The following PSD3 variants were observed in gnomAD, a reference collection of about 807,000 sequenced individuals.
PSD3 encodes the protein pleckstrin and Sec7 domain containing 3, also known as PH and SEC7 domain-containing protein 3.
In PSD3, 49 loss-of-function variants were observed where a neutral mutation model predicts 105.5. The observed-to-expected ratio is 0.46, with a 90% CI of 0.37 to 0.59. PSD3 has a LOEUF of 0.59. Among genes scored for constraint, PSD3 ranks in the 20% least tolerant of loss-of-function variants. The probability of loss-of-function intolerance (pLI) is 0.00; values close to 1 mark genes in which losing one functional copy is unlikely to be tolerated. For missense variants in PSD3, 1,561 were observed against 1,263.8 expected, an observed-to-expected ratio of 1.24 and a Z score of -3.57; for synonymous variants, 557 against 457.8, an observed-to-expected ratio of 1.22 and a Z score of -2.77.
chr8:18,576,950 A>C (rs1802498119), intron 12 of PSD3, among the ~76,000 whole-genome samples: 1 of 149,064 alleles, frequency 6.7e-6, no homozygotes, highest in Non-Finnish European at 1.5e-5. Context: ...CCTCTTCCCT[A>C]TTTTCTTTGA....
rs539122543 is a variant in PSD3, at chr8:19,043,476, T to C, written c.324+40730A>G. Among the ~76,000 whole-genome samples, 5 of 152,318 alleles carry C rather than the reference T, an allele frequency of 3.3e-5. No individual in the cohort carries two copies. The South Asian group carries it at 6.2e-4, about 19-fold the overall frequency. ...AACTAGTAGATTGGGGTCCAATCTA[T>C]TGCTTTTGCAGGTTACCTTTAGGTT... On this transcript the variant is annotated intron_variant, in intron 1 of 1. Coordinates refer to the PSD3 transcript ENST00000521475.
At chr8:18,853,502 G>A (rs1815757025) in intron 4 of PSD3, among the ~76,000 whole-genome samples, 1 of 151,694 alleles carries the variant, frequency 6.6e-6, no homozygotes, top group African/African-American at 2.4e-5. Flanking sequence ...AACTTTCCCA[G>A]AAAGAAACCG....
intron 4 of PSD3, among the ~76,000 whole-genome samples, chr8:18,842,526 G>A (rs1814714002): frequency 1.3e-5 from 2 of 152,166 alleles, no homozygotes; most frequent in South Asian, 4.1e-4. Context: ...AAGGTCAGGA[G>A]ATCGAGACCA....
intron 1 of PSD3, among the ~76,000 whole-genome samples, chr8:18,963,241 G>C (rs1480880869): frequency 6.6e-6 from 1 of 152,114 alleles, no homozygotes; most frequent in Non-Finnish European, 1.5e-5. Flanking sequence ...CAACACATGG[G>C]AATTATGGGC....
chr8:18,758,477 C>G (rs1453058470), intron 9 of PSD3, among the ~76,000 whole-genome samples: 3 of 149,882 alleles, frequency 2.0e-5, no homozygotes, highest in Non-Finnish European at 4.4e-5. Context: ...GTGAACAGAT[C>G]CTTTTTGGGG....
intron 9 of PSD3, among the ~76,000 whole-genome samples, chr8:18,698,612 C>G (rs1423896191): frequency 2.0e-5 from 3 of 152,172 alleles, no homozygotes; most frequent in African/African-American, 7.2e-5. Context: ...GCCCTGCCAA[C>G]CCATTTTGGA....
At chr8:18,631,540 G>C (rs1806893868) in intron 11 of PSD3, among the ~76,000 whole-genome samples, 1 of 151,984 alleles carries the variant, frequency 6.6e-6, no homozygotes, top group Non-Finnish European at 1.5e-5. Context: ...TGCAGAGATA[G>C]AAATGGAGAG....
At chr8:18,806,391 G>T (rs922763775) in intron 4 of PSD3, among the ~76,000 whole-genome samples, 2 of 152,208 alleles carry the variant, frequency 1.3e-5, no homozygotes, top group African/African-American at 4.8e-5. Flanking sequence ...CCTAGAAAGG[G>T]CTTAAAGACT....
intron 9 of PSD3, among the ~76,000 whole-genome samples, chr8:18,682,670 C>T (rs1490947568): frequency 1.3e-5 from 2 of 152,172 alleles, no homozygotes; most frequent in Non-Finnish European, 2.9e-5. Context: ...AGGAAGCCAA[C>T]ATATTTCTTA....
In PSD3 at chr8:18,916,297, GAT is replaced by G. The variant is rs71218908; in HGVS notation, c.130+19735_130+19736del. On this transcript the variant is annotated intron_variant, in intron 2 of 15. Coordinates refer to ENST00000327040, the MANE Select transcript of PSD3 (RefSeq NM_015310.4). ...ATTGCTGAATGGATTTAAAAAAAGT[GAT>G]ATATATATATATATATATATATATA... Among the ~76,000 whole-genome samples, 140 of 31,180 alleles carry G rather than the reference GAT, an allele frequency of 4.5e-3. 3 individuals are homozygous for G. Among genetic ancestry groups the G allele is most frequent in the East Asian group, 0.011 (5 of 470 alleles). 20.5% of individuals were successfully genotyped at this position (31,180 alleles called of 152,430 possible). A position where few individuals can be genotyped will look rare whatever the true frequency, so the allele number is the denominator to read the frequency against.
chr8:18,994,651 T>C (rs1825974548), intron 1 of PSD3, among the ~76,000 whole-genome samples: 1 of 152,014 alleles, frequency 6.6e-6, no homozygotes, highest in African/African-American at 2.4e-5. Flanking sequence ...ATGACAATAT[T>C]TCGGACACAG....
At chr8:18,814,424 T>C (rs1164595624) in intron 4 of PSD3, among the ~76,000 whole-genome samples, 1 of 152,206 alleles carries the variant, frequency 6.6e-6, no homozygotes, top group African/African-American at 2.4e-5. Flanking sequence ...ATAACAACTG[T>C]ACTTTTCACC....
intron 8 of PSD3, among the ~76,000 whole-genome samples, chr8:18,776,375 T>TATAG (rs1808083868): frequency 7.0e-6 from 1 of 143,758 alleles, no homozygotes; most frequent in African/African-American, 2.6e-5. Flanking sequence ...AATATATGTA[T>TATAG]ATATATAATT....
chr8:18,744,765 T>C (rs1359963800), intron 9 of PSD3, among the ~76,000 whole-genome samples: 1 of 152,224 alleles, frequency 6.6e-6, no homozygotes. Context: ...ATACACCTTA[T>C]TCAAATTTCA....
chr8:18,598,579 G>A (rs1398770437), intron 12 of PSD3, among the ~76,000 whole-genome samples: 5 of 152,000 alleles, frequency 3.3e-5, no homozygotes, highest in Admixed American at 6.6e-5. Flanking sequence ...GCAGGAAAGC[G>A]ATGATATTAA....
rs1803344370 is a variant in PSD3, at chr8:18,726,518, A to G, written c.2172+38931T>C. Among the ~76,000 whole-genome samples, 3 of 152,244 alleles carry G rather than the reference A, an allele frequency of 2.0e-5. No individual in the cohort carries two copies. The South Asian group carries it at 6.2e-4, about 32-fold the overall frequency. ...CTAAATATAGAGGTTTAAATAAACT[A>G]CAGGATTATCTGCTACCTAGAACTA... On this transcript the variant is annotated intron_variant, in intron 9 of 15. Coordinates refer to ENST00000327040, the MANE Select transcript of PSD3 (RefSeq NM_015310.4).
chr8:18,841,360 C>G (rs1490663403), intron 4 of PSD3, among the ~76,000 whole-genome samples: 2 of 152,196 alleles, frequency 1.3e-5, no homozygotes, highest in Non-Finnish European at 2.9e-5. Context: ...GAGAGTGGAG[C>G]TCAGCAGCTC....
At chr8:18,996,550 T>C (rs796281801) in intron 1 of PSD3, among the ~76,000 whole-genome samples, 3 of 152,096 alleles carry the variant, frequency 2.0e-5, no homozygotes, top group African/African-American at 7.2e-5. Context: ...CTAGATGATT[T>C]GGGCTGTTTT....
chr8:18,807,539 TG>T (rs1315821376), intron 4 of PSD3, among the ~76,000 whole-genome samples: 1 of 152,212 alleles, frequency 6.6e-6, no homozygotes, highest in African/African-American at 2.4e-5. Flanking sequence ...AAACCCATGC[TG>T]GCTTATTTTG....
Sources: allele counts gnomAD v4.1 joint callset (sites outside exome capture counted in the v4.1 genomes callset), GRCh38; gene constraint gnomAD v4.1.1; transcripts MANE v1.5; gene names NCBI Gene and HGNC (gene_info 2026-07-23, HGNC 2026-07-21).